HERC4: variants seen among roughly 807,000 people sequenced by gnomAD.
HERC4 encodes probable E3 ubiquitin-protein ligase HERC4.
Under a neutral mutation model 124.3 loss-of-function variants are expected in HERC4, and 28 were observed. The observed-to-expected ratio is 0.23, with a 90% CI of 0.17 to 0.31. HERC4 has a LOEUF of 0.31. Among genes scored for constraint, HERC4 ranks in the 10% least tolerant of loss-of-function variants. The pLI is 1.00. For synonymous variants in HERC4, 407 were observed against 421.5 expected (o/e 0.97, Z 0.42); for missense variants, 713 against 1,229.3 (o/e 0.58, Z 6.28).
chr10:68,073,854 C>T (rs2041682640), intron 1 of HERC4, 168 bp from the exon 2 acceptor site: 1 of 152,088 alleles, frequency 6.6e-6, no homozygotes, highest in South Asian at 2.1e-4. Flanking sequence ...TACTAACATT[C>T]CAACCTCACT....
At chr10:68,025,764 T>G in intron 7 of HERC4, 88 bp from the exon 8 acceptor site, 1 of 1,372,278 alleles carries the variant, frequency 7.3e-7, no homozygotes, top group Admixed American at 2.4e-5. Context: ...ATCTTTAATA[T>G]AAACTCAGTT....
chr10:68,008,946 C>T (rs549093849), intron 9 of HERC4, among the ~76,000 whole-genome samples: 53 of 152,222 alleles, frequency 3.5e-4, no homozygotes, highest in African/African-American at 8.4e-4. Context: ...CTAGCCTGGG[C>T]GCAGTGGTTC....
In HERC4 at chr10:68,044,555, C is replaced by T. The variant is rs1338426053; in HGVS notation, c.235G>A (p.Val79Ile). ...EKSRKKPEQV[V>I]ALDAQNIVAV... The stretch of plus-strand genomic sequence containing the variant: ...ACAATATTTTGGGCATCCAGGGCAA[C>T]AACCTGCTCTACAGAAATCAAGAAG... Residue 79 changes from valine (V) to isoleucine (I), a missense_variant, in exon 4 of 25, where the codon GTT (valine) becomes ATT (isoleucine). By Grantham distance (29) the Val-to-Ile change is conservative. Transcript: ENST00000373700. The T allele has an allele frequency of 6.2e-7, 1 of 1,613,620 alleles. No individual in the cohort carries two copies. Among genetic ancestry groups the T allele is most frequent in the East Asian group, 2.2e-5 (1 of 44,852 alleles).
At position 68,058,231 on chromosome 10, in the gene HERC4, G is replaced by C. The variant is rs930615116; in HGVS notation, c.227-13668C>G. On this transcript the variant is annotated intron_variant, in intron 3 of 24. Coordinates refer to ENST00000373700, the MANE Select transcript of HERC4 (RefSeq NM_015601.4). Reference sequence around the variant, plus strand: ...AAACAAATAATTTTTTAAAATTTTGGCATAGTCTTTGAATAAGAGCTCTAG... The same window carrying C: ...AAACAAATAATTTTTTAAAATTTTGCCATAGTCTTTGAATAAGAGCTCTAG... 6.6e-5 allele frequency among the ~76,000 whole-genome samples: 10 copies of C among 152,048 alleles called. No individual in the cohort carries two copies. The East Asian group carries it at 1.9e-3, about 29-fold the overall frequency.
intron 9 of HERC4, among the ~76,000 whole-genome samples, chr10:68,001,553 T>G (rs1468637586): frequency 6.6e-6 from 1 of 152,104 alleles, no homozygotes; most frequent in Non-Finnish European, 1.5e-5. Context: ...GCAAAAAGAT[T>G]ATCAATTTTT....
intron 9 of HERC4, chr10:68,008,099 G>C (rs1399026449): frequency 6.6e-6 from 1 of 152,190 alleles, no homozygotes; most frequent in Non-Finnish European, 1.5e-5. Flanking sequence ...TGGATTACTA[G>C]GCAGAGTCTC....
chr10:67,990,780 C>T, intron 13 of HERC4, 124 bp downstream of exon 13: 1 of 541,810 alleles, frequency 1.8e-6, no homozygotes, highest in Non-Finnish European at 3.2e-6. Context: ...AAAATAAAAT[C>T]TTATTTTAAA....
chr10:67,966,477 G>A (rs1438232780), intron 16 of HERC4: 2 of 436,984 alleles, frequency 4.6e-6, no homozygotes, highest in African/African-American at 4.2e-5. Flanking sequence ...CCATTTCTTT[G>A]GTTTGGCTTT....
chr10:67,960,724 C>T lies in HERC4; in HGVS notation c.1927-3748G>A, dbSNP rs16924996. On this transcript the variant is annotated intron_variant, in intron 16 of 24. Transcript: ENST00000373700. ...AACACATTCTTGGATTTGTGGTCCA[C>T]ATCCATCAGCTCATATAACCTTAGC... The T allele has an allele frequency of 0.02, 3,511 of 172,466 alleles. 326 individuals are homozygous for T. The East Asian group carries it at 0.31, about 15-fold the overall frequency. The allele number at this position is 172,466 out of a possible 1,614,324, so 10.7% of individuals were successfully genotyped here.
At chr10:68,003,247 C>T (rs942709037) in intron 9 of HERC4, among the ~76,000 whole-genome samples, 1 of 151,820 alleles carries the variant, frequency 6.6e-6, no homozygotes, top group South Asian at 2.1e-4. Flanking sequence ...CTCCGCCTCC[C>T]GGGTTCATGC....
chr10:68,032,015 G>A (rs1177500511), intron 7 of HERC4, among the ~76,000 whole-genome samples: 7 of 152,168 alleles, frequency 4.6e-5, no homozygotes, highest in African/African-American at 1.7e-4. Flanking sequence ...GCCTCCCAAA[G>A]TGCTGGGATT....
chr10:68,067,682 T>C (rs957590709), intron 3 of HERC4: 1 of 152,194 alleles, frequency 6.6e-6, no homozygotes. Flanking sequence ...AGCCAAGTAA[T>C]CACTACTATG....
chr10:67,985,219 A>G (rs1357487777), intron 15 of HERC4, among the ~76,000 whole-genome samples: 2 of 152,188 alleles, frequency 1.3e-5, no homozygotes. Flanking sequence ...TAAAGACCAA[A>G]AAGTTTAGAC....
intron 3 of HERC4, chr10:68,070,649 T>A (rs2041528697): frequency 6.6e-6 from 1 of 151,826 alleles, no homozygotes; most frequent in Non-Finnish European, 1.5e-5. Context: ...AAATAAATAT[T>A]CAATCAAAGC....
intron 19 of HERC4, among the ~76,000 whole-genome samples, chr10:67,946,507 C>T (rs1371092334): frequency 6.6e-6 from 1 of 151,590 alleles, no homozygotes; most frequent in East Asian, 1.9e-4. Flanking sequence ...ACTATTTTGT[C>T]TAATACAAGG....
chr10:68,021,422 CTT>C (rs1218571754), intron 8 of HERC4, among the ~76,000 whole-genome samples: 15 of 152,190 alleles, frequency 9.9e-5, no homozygotes, highest in Admixed American at 9.8e-4. Context: ...AAAGCACTTG[CTT>C]TTCCTGTAAG....
chr10:67,942,067 A>G (rs1463725349), intron 19 of HERC4, among the ~76,000 whole-genome samples: 3 of 152,104 alleles, frequency 2.0e-5, no homozygotes, highest in East Asian at 3.8e-4. Context: ...TACTTACACT[A>G]CTGACACACT....
intron 21 of HERC4, among the ~76,000 whole-genome samples, chr10:67,937,293 G>A (rs2032449463): frequency 6.6e-6 from 1 of 151,752 alleles, no homozygotes; most frequent in Admixed American, 6.6e-5. Flanking sequence ...GAAAGGAGAG[G>A]GCCAGTTTAA....
intron 4 of HERC4, among the ~76,000 whole-genome samples, chr10:68,043,942 C>T (rs2039897727): frequency 1.3e-5 from 2 of 152,080 alleles, no homozygotes; most frequent in African/African-American, 4.8e-5. Context: ...GGGCTCACTG[C>T]TATGTACAAA....
Sources: allele counts gnomAD v4.1 joint callset (sites outside exome capture counted in the v4.1 genomes callset), GRCh38; gene constraint gnomAD v4.1.1; transcripts MANE v1.5; gene names NCBI Gene and HGNC (gene_info 2026-07-23, HGNC 2026-07-21).